Variants in U2AF1L4 observed in about 807,000 individuals in gnomAD.
U2AF1L4 encodes U2 small nuclear RNA auxiliary factor 1 like 4.
A neutral mutation model predicts 21.7 loss-of-function variants in U2AF1L4; 21 were observed. The ratio of observed to expected loss-of-function variants is 0.97; its 90% CI spans 0.69 to 1.39. The LOEUF (loss-of-function observed/expected upper bound fraction) is 1.39. U2AF1L4 is among the 40% of genes most tolerant of loss of function. The pLI, the probability that U2AF1L4 is intolerant of heterozygous loss-of-function variation, is 0.00. For missense variants in U2AF1L4, 259 were observed against 245.7 expected (o/e 1.05, Z -0.36); for synonymous variants, 92 against 89.7 (o/e 1.03, Z -0.15).
rs1970518022 is a variant in U2AF1L4 at position 35,745,203 on chromosome 19, G to A, written c.54C>T (p.Cys18=). Residue 18 remains cysteine, a synonymous_variant, in exon 2 of 6, where the codon TGC becomes TGT. Transcript: ENST00000378975. ...AGACCCCGATCTTAAAGTAAAAAGA[G>A]CAGTTAACCCTGGAAAAGGTGCAAA... ...IFGTEKDKVN[C]SFYFKIGVCR... is the part of the protein sequence containing the mutation. 2.5e-6 allele frequency: 4 copies of A among 1,613,708 alleles called. No homozygotes were observed. Among genetic ancestry groups the A allele is most frequent in the Non-Finnish European group, 3.4e-6 (4 of 1,179,976 alleles).
In U2AF1L4 at chr19:35,742,821, G is replaced by A; in HGVS notation, c.462-18C>T. The stretch of plus-strand genomic sequence containing the variant: ...GGGGTGACCTGGGAATAGGAGCGTT[G>A]AGAGTTCTGTTAGAACCCTGAGGAG... On this transcript the variant is annotated intron_variant, in intron 5 of 5. Transcript: ENST00000378975. The A allele has an allele frequency of 6.2e-7, 1 of 1,605,398 alleles. No individual in the cohort carries two copies. The highest frequency in any genetic ancestry group is 8.5e-7 in the Non-Finnish European group (1 of 1,177,752).
rs770468987 is a variant in U2AF1L4 at position 35,745,321 on chromosome 19, G to A, written c.44+27C>T. ...CAGTACCCCGGCCCCGACCCCCCGAGAGTCCACTCCCAGCGCCCGTTCTCA... is the reference window on the plus strand; with the variant it reads ...CAGTACCCCGGCCCCGACCCCCCGAAAGTCCACTCCCAGCGCCCGTTCTCA... On this transcript the variant is annotated intron_variant, in intron 1 of 5. Coordinates refer to ENST00000378975, the MANE Select transcript of U2AF1L4 (RefSeq NM_001040425.3). 5.0e-6 allele frequency: 8 copies of A among 1,597,456 alleles called. No homozygotes were observed. In the East Asian group the frequency reaches 1.6e-4, roughly 31 times the overall value.
At chr19:35,744,744 T>G (rs980192065) in intron 2 of U2AF1L4, 5 of 1,534,366 alleles carry the variant, frequency 3.3e-6, no homozygotes, top group Non-Finnish European at 4.4e-6. Flanking sequence ...CAGGGCTGCA[T>G]GAACAGAGAG....
Position 35,744,007 on chromosome 19 carries a change from C to T in U2AF1L4, c.365+5G>A, listed in dbSNP as rs369173127. 7 of 1,613,594 alleles carry T rather than the reference C, an allele frequency of 4.3e-6. No individual in the cohort carries two copies. The African/African-American group carries it at 5.3e-5, about 12-fold the overall frequency. ...AGTGCCCATCCCACCCTTGAACTAC[C>T]ATACCCCATCTCATACTGGCGACAG... On this transcript the variant is annotated splice_donor_5th_base_variant and intron_variant, in intron 4 of 5. Transcript: ENST00000378975.
chr19:35,744,988 A>G, intron 2 of U2AF1L4, 137 bp downstream of exon 2: 3 of 872,138 alleles, frequency 3.4e-6, no homozygotes, highest in Admixed American at 5.5e-5. Flanking sequence ...GAGCCTGCAG[A>G]AAGGTCCAAT....
chr19:35,744,022 A>T lies in U2AF1L4; in HGVS notation c.355T>A (p.Tyr119Asn), dbSNP rs772552876. 5 of 1,613,882 alleles carry T rather than the reference A, an allele frequency of 3.1e-6. No individual in the cohort carries two copies. The South Asian group carries it at 5.5e-5, about 18-fold the overall frequency. ...TDFRESCCRQYEMGECTRGGF... is the reference protein window; with the variant it reads ...TDFRESCCRQNEMGECTRGGF... ...CTTGAACTACCATACCCCATCTCAT[A>T]CTGGCGACAGCATGACTCCCGGAAG... The change falls in exon 4 of 6, where the codon TAT (tyrosine) becomes AAT (asparagine). Residue 119 changes from tyrosine to asparagine, a missense_variant. Tyr to Asn is a moderately radical substitution (Grantham distance 143, BLOSUM62 -2). Coordinates refer to ENST00000378975, the MANE Select transcript of U2AF1L4 (RefSeq NM_001040425.3).
intron 2 of U2AF1L4, chr19:35,744,924 A>G: frequency 7.1e-6 from 5 of 705,970 alleles, no homozygotes; most frequent in East Asian, 2.7e-5. Context: ...TGTAGCCTGT[A>G]CGCATGGGGG....
At position 35,742,677 on chromosome 19, in the gene U2AF1L4, C is replaced by T; in HGVS notation, c.*42G>A. ...CTTTGAGGAGAGGTCCTGCCAGGAA[C>T]ATCTGTCCCTGTTGGGGGTGAAGGG... is the stretch of plus-strand genomic sequence containing the variant. On this transcript the variant is annotated 3_prime_UTR_variant, in exon 6 of 6. Transcript: ENST00000378975. 1 of 1,612,906 alleles carries T rather than the reference C, an allele frequency of 6.2e-7. No individual in the cohort carries two copies. The highest frequency in any genetic ancestry group is 1.1e-5 in the South Asian group (1 of 91,060).
rs1970315425 is a variant in U2AF1L4 at position 35,742,690 on chromosome 19, TG to T, written c.*28del. ...TCCTGCCAGGAACATCTGTCCCTGTTGGGGGTGAAGGGTAAGGGGGCCAGGG... is the reference window on the plus strand; with the variant it reads ...TCCTGCCAGGAACATCTGTCCCTGTTGGGGTGAAGGGTAAGGGGGCCAGGG... On this transcript the variant is annotated 3_prime_UTR_variant, in exon 6 of 6. Coordinates refer to ENST00000378975, the MANE Select transcript of U2AF1L4 (RefSeq NM_001040425.3). 6.2e-7 allele frequency: 1 copy of T among 1,611,560 alleles called. No homozygotes were observed. Among genetic ancestry groups the T allele is most frequent in the African/African-American group, 1.3e-5 (1 of 74,504 alleles).
intron 5 of U2AF1L4, 120 bp downstream of exon 5, chr19:35,743,686 CAAA>C (rs36076889): frequency 0.023 from 10,838 of 479,842 alleles, no homozygotes; most frequent in East Asian, 0.028. Flanking sequence ...GGCTCCATCT[CAAA>C]AAAAAAAAAA....
chr19:35,744,228 T>C, intron 3 of U2AF1L4, 83 bp from the exon 4 acceptor site: 1 of 1,605,674 alleles, frequency 6.2e-7, no homozygotes. Context: ...CTGGACTGGA[T>C]TTAGTGATGA....
In U2AF1L4 at chr19:35,743,825, G is replaced by A. The variant is rs749707502; in HGVS notation, c.445C>T (p.Arg149Trp). ...SQNLQRQLYG[R>W]GPRRRSPPRF... is the part of the protein sequence containing the mutation. ...CTGAGGTACCTGCGCCTGGGTCCCC[G>A]CCCATAGAGCTGCCTCTGGAGGTTC... Residue 149 changes from arginine to tryptophan, a missense_variant, in exon 5 of 6, where the codon CGG becomes TGG. Arg to Trp is a moderately radical substitution (Grantham distance 101, BLOSUM62 -3). Transcript: ENST00000378975. 1.7e-5 allele frequency: 27 copies of A among 1,611,542 alleles called. No homozygotes were observed. The Middle Eastern group carries it at 4.9e-4, about 29-fold the overall frequency.
rs1189905727 is a variant in U2AF1L4 at position 35,743,668 on chromosome 19, CAG to C, written c.461+139_461+140del. The stretch of plus-strand genomic sequence containing the variant: ...TGCCAATGCACTCCAGCCTGGGCAA[CAG>C]AGTGAGGCTCCATCTCAAAAAAAAA... On this transcript the variant is annotated intron_variant, in intron 5 of 5. Transcript: ENST00000378975. 3.2e-5 allele frequency: 24 copies of C among 756,540 alleles called. No individual in the cohort carries two copies. The African/African-American group carries it at 3.6e-4, about 11-fold the overall frequency. The allele number at this position is 756,540 out of a possible 1,614,324, so 46.9% of individuals were successfully genotyped here.
intron 2 of U2AF1L4, 94 bp from the exon 3 acceptor site, chr19:35,744,515 C>T: frequency 6.2e-7 from 1 of 1,608,382 alleles, no homozygotes; most frequent in East Asian, 2.2e-5. Context: ...CATAGTGCTC[C>T]TGCACCTCCA....
rs376702085 is a variant in U2AF1L4 at position 35,744,434 on chromosome 19, G to T, written c.133-13C>A. 53 of 1,613,842 alleles carry T rather than the reference G, an allele frequency of 3.3e-5. No individual in the cohort carries two copies. The highest frequency in any genetic ancestry group is 4.1e-5 in the Non-Finnish European group (48 of 1,179,902). On this transcript the variant is annotated splice_polypyrimidine_tract_variant and intron_variant, in intron 2 of 5. Coordinates refer to ENST00000378975, the MANE Select transcript of U2AF1L4 (RefSeq NM_001040425.3). ...CTGTGAACACCTCCTGTGGAAGACG[G>T]GGAGGAACTCAGCTGAGCTCCCACA...
intron 2 of U2AF1L4, chr19:35,744,777 G>T: frequency 2.8e-6 from 4 of 1,440,354 alleles, no homozygotes; most frequent in Non-Finnish European, 3.8e-6. Flanking sequence ...GTTGGGGGTG[G>T]AACCTTACAC....
At chr19:35,744,784 A>C in intron 2 of U2AF1L4, 4 of 1,402,842 alleles carry the variant, frequency 2.9e-6, no homozygotes, top group Non-Finnish European at 3.9e-6. Context: ...GTGGAACCTT[A>C]CACCCCAGCC....
chr19:35,743,945 G>A (rs1970417781), intron 4 of U2AF1L4, 41 bp from the exon 5 acceptor site: 2 of 1,609,370 alleles, frequency 1.2e-6, no homozygotes, highest in South Asian at 1.1e-5. Flanking sequence ...CATTGTCACT[G>A]ACAGCCCCTA....
At chr19:35,742,912 T>A in intron 5 of U2AF1L4, 109 bp from the exon 6 acceptor site, 1 of 1,058,448 alleles carries the variant, frequency 9.4e-7, no homozygotes, top group Non-Finnish European at 1.4e-6. Context: ...CTGAAATAAC[T>A]AGAGTTCTAA....
Sources: allele counts gnomAD v4.1 joint callset, GRCh38; gene constraint gnomAD v4.1.1; transcripts MANE v1.5; gene names NCBI Gene and HGNC (gene_info 2026-07-23, HGNC 2026-07-21).